MPZL1: variants seen among roughly 807,000 people sequenced by gnomAD.
MPZL1 encodes the protein myelin protein zero-like protein 1.
In MPZL1, 16 loss-of-function variants were observed where a neutral mutation model predicts 29.3. The ratio of observed to expected loss-of-function variants is 0.55; its 90% confidence interval spans 0.37 to 0.83. MPZL1 has a LOEUF of 0.83. Among genes scored for constraint, MPZL1 ranks in the 40% least tolerant of loss-of-function variants. The pLI is 0.00. For missense variants in MPZL1, 279 were observed against 332.9 expected (o/e 0.84, Z 1.26); for synonymous variants, 143 against 132.0 (o/e 1.08, Z -0.57).
chr1:167,781,776 T>G (rs545318465), intron 5 of MPZL1, among the ~76,000 whole-genome samples: 1 of 152,280 alleles, frequency 6.6e-6, no homozygotes, highest in South Asian at 2.1e-4. Context: ...AATCTGTCGC[T>G]TCTCTCTGGC....
At chr1:167,732,482 G>A (rs1306866191) in intron 1 of MPZL1, among the ~76,000 whole-genome samples, 1 of 152,180 alleles carries the variant, frequency 6.6e-6, no homozygotes, top group Admixed American at 6.5e-5. Context: ...ATGATGATCA[G>A]GCTGGAGTGC....
intron 5 of MPZL1, among the ~76,000 whole-genome samples, chr1:167,779,158 G>A (rs1302875366): frequency 1.3e-5 from 2 of 151,624 alleles, no homozygotes; most frequent in Non-Finnish European, 2.9e-5. Context: ...AGTGAACAGA[G>A]CTTCAGTGAG....
chr1:167,739,033 C>T (rs1660444577), intron 1 of MPZL1, among the ~76,000 whole-genome samples: 1 of 151,808 alleles, frequency 6.6e-6, no homozygotes, highest in African/African-American at 2.4e-5. Context: ...ACCTCCACCT[C>T]CAGGTTCAAG....
At chr1:167,732,037 A>T (rs1660283225) in intron 1 of MPZL1, among the ~76,000 whole-genome samples, 1 of 152,200 alleles carries the variant, frequency 6.6e-6, no homozygotes, top group Admixed American at 6.5e-5. Context: ...GGTATGACTA[A>T]TTGTATTTTT....
At chr1:167,760,668 G>T (rs1294281652) in intron 1 of MPZL1, among the ~76,000 whole-genome samples, 1 of 151,938 alleles carries the variant, frequency 6.6e-6, no homozygotes, top group African/African-American at 2.4e-5. Flanking sequence ...AGGAAGTTTG[G>T]GGGGTGGGAA....
At chr1:167,739,194 T>C (rs933706080) in intron 1 of MPZL1, among the ~76,000 whole-genome samples, 1 of 150,620 alleles carries the variant, frequency 6.6e-6, no homozygotes, top group Admixed American at 6.6e-5. Context: ...CTGCCTGCCT[T>C]AGCCTACCAA....
chr1:167,787,696 A>G, intron 5 of MPZL1, 124 bp from the exon 6 acceptor site: 1 of 657,680 alleles, frequency 1.5e-6, no homozygotes, highest in Non-Finnish European at 2.7e-6. Flanking sequence ...TCCTGAAGAC[A>G]TTCAAGAGGG....
intron 1 of MPZL1, among the ~76,000 whole-genome samples, chr1:167,743,289 C>G (rs796469759): frequency 6.0e-4 from 91 of 152,016 alleles, no homozygotes; most frequent in African/African-American, 2.0e-3. Flanking sequence ...TGCCTGACTG[C>G]AACCTCTGCC....
chr1:167,764,181 A>T (rs1242476768), intron 1 of MPZL1, among the ~76,000 whole-genome samples: 1 of 152,158 alleles, frequency 6.6e-6, no homozygotes, highest in African/African-American at 2.4e-5. Context: ...TTTGGGCCAA[A>T]TAAGTTTTTT....
intron 1 of MPZL1, among the ~76,000 whole-genome samples, chr1:167,742,200 G>A (rs1276086942): frequency 2.0e-5 from 3 of 151,878 alleles, no homozygotes; most frequent in Non-Finnish European, 4.4e-5. Context: ...GGTTGAGGCA[G>A]GAGAATCACT....
At chr1:167,726,168 T>C (rs559658574) in intron 1 of MPZL1, among the ~76,000 whole-genome samples, 24 of 152,314 alleles carry the variant, frequency 1.6e-4, no homozygotes, top group Admixed American at 9.2e-4. Context: ...CTTTCTGCTC[T>C]GTGACACTCA....
Position 167,789,630 on chromosome 1 carries a change from T to C in MPZL1, c.*1709T>C, listed in dbSNP as rs961124014. Reference sequence around the variant, plus strand: ...CTTTTGTTTTTTGAGGAGCTATTTTTGTTATTCTTGTAACGCTCCACCTTA... The same window carrying C: ...CTTTTGTTTTTTGAGGAGCTATTTTCGTTATTCTTGTAACGCTCCACCTTA... On this transcript the variant is annotated 3_prime_UTR_variant, in exon 6 of 6. Transcript: ENST00000359523. The C allele has an allele frequency of 6.6e-6, 1 of 152,250 alleles. No homozygotes were observed. Among genetic ancestry groups the C allele is most frequent in the Non-Finnish European group, 1.5e-5 (1 of 68,058 alleles). 9.4% of individuals were successfully genotyped at this position (152,250 alleles called of 1,614,324 possible).
chr1:167,763,137 C>G (rs1194674081), intron 1 of MPZL1, among the ~76,000 whole-genome samples: 3 of 146,592 alleles, frequency 2.0e-5, no homozygotes, highest in Non-Finnish European at 3.0e-5. Flanking sequence ...AACTTGGACA[C>G]TTGGTCTAAT....
chr1:167,766,408 C>T (rs904438355), intron 2 of MPZL1, among the ~76,000 whole-genome samples: 3 of 152,072 alleles, frequency 2.0e-5, no homozygotes, highest in South Asian at 2.1e-4. Context: ...AAAATGGAGA[C>T]GATAAAACCT....
At chr1:167,730,658 T>C (rs1006704674) in intron 1 of MPZL1, among the ~76,000 whole-genome samples, 19 of 152,228 alleles carry the variant, frequency 1.2e-4, no homozygotes, top group African/African-American at 4.3e-4. Context: ...TACTGAGTGA[T>C]ACCATACTGG....
chr1:167,749,197 A>G (rs1034727240), intron 1 of MPZL1, among the ~76,000 whole-genome samples: 24 of 152,178 alleles, frequency 1.6e-4, no homozygotes, highest in African/African-American at 5.5e-4. Context: ...GTTTCTTTCA[A>G]TTATCTGAAA....
At chr1:167,758,893 A>G (rs181902069) in intron 1 of MPZL1, among the ~76,000 whole-genome samples, 110 of 152,340 alleles carry the variant, frequency 7.2e-4, no homozygotes, top group African/African-American at 2.6e-3. Context: ...TTCCCCAGAG[A>G]GAAAGTAAGC....
chr1:167,767,134 G>A (rs550986664), intron 2 of MPZL1, among the ~76,000 whole-genome samples: 1 of 152,318 alleles, frequency 6.6e-6, no homozygotes, highest in East Asian at 1.9e-4. Flanking sequence ...GCATAGTCTA[G>A]AGGTCTTTAT....
At chr1:167,773,403 G>T (rs1467865664) in intron 4 of MPZL1, 35 bp downstream of exon 4, 8 of 1,593,186 alleles carry the variant, frequency 5.0e-6, no homozygotes, top group Non-Finnish European at 6.8e-6. Context: ...CAGGGGTGGA[G>T]GGAGGGAATC....
Sources: gnomAD v4.1 joint callset for allele counts (sites outside exome capture counted in the v4.1 genomes callset) on GRCh38, gnomAD v4.1.1 for gene constraint, MANE v1.5 for transcripts, NCBI Gene and HGNC (gene_info 2026-07-23, HGNC 2026-07-21) for gene names.